PTPRD: variants seen among roughly 807,000 people sequenced by gnomAD.
The protein encoded by PTPRD is protein tyrosine phosphatase receptor type D.
A neutral mutation model predicts 214.5 loss-of-function variants in PTPRD; 34 were observed. The observed-to-expected ratio is 0.16, with a 90% confidence interval of 0.12 to 0.21. The LOEUF (loss-of-function observed/expected upper bound fraction) is 0.21. Among genes scored for constraint, PTPRD ranks in the 10% least tolerant of loss-of-function variants. The pLI is 1.00. For missense variants in PTPRD, 2,545 were observed against 2,398.7 expected, an observed-to-expected ratio of 1.06 and a Z score of -1.27; for synonymous variants, 1,128 against 845.7, an observed-to-expected ratio of 1.33 and a Z score of -5.79.
intron 2 of PTPRD, among the ~76,000 whole-genome samples, chr9:10,478,687 A>T (rs964864003): frequency 3.3e-5 from 5 of 151,886 alleles, no homozygotes; most frequent in African/African-American, 1.2e-4. Context: ...TTAATAACAT[A>T]TCAAAATACA....
chr9:10,490,442 T>C (rs2039825699), intron 2 of PTPRD, among the ~76,000 whole-genome samples: 1 of 152,174 alleles, frequency 6.6e-6, no homozygotes, highest in Admixed American at 6.5e-5. Flanking sequence ...ATATTATGCT[T>C]GGAATTTGCA....
chr9:8,727,818 G>GT (rs992913211), intron 12 of PTPRD, among the ~76,000 whole-genome samples: 11 of 151,710 alleles, frequency 7.3e-5, no homozygotes, highest in East Asian at 1.9e-4. Context: ...ACAACTGGCT[G>GT]TTTTTTTTCC....
chr9:10,310,153 G>T (rs1175392241), intron 3 of PTPRD, among the ~76,000 whole-genome samples: 1 of 152,026 alleles, frequency 6.6e-6, no homozygotes, highest in Non-Finnish European at 1.5e-5. Flanking sequence ...TGTAAGAATA[G>T]TGTAAAGCAA....
intron 11 of PTPRD, among the ~76,000 whole-genome samples, chr9:8,758,562 G>T (rs2094181183): frequency 6.6e-6 from 1 of 152,128 alleles, no homozygotes; most frequent in Non-Finnish European, 1.5e-5. Flanking sequence ...TAAATTTTGG[G>T]CTGTCACACA....
chr9:9,230,314 G>A (rs554999522), intron 9 of PTPRD, among the ~76,000 whole-genome samples: 19 of 152,222 alleles, frequency 1.2e-4, no homozygotes, highest in Admixed American at 1.2e-3. Context: ...AAAATTTGAC[G>A]AGCTTCCAGG....
At chr9:8,480,302 C>A (rs1316955879) in intron 30 of PTPRD, among the ~76,000 whole-genome samples, 1 of 152,180 alleles carries the variant, frequency 6.6e-6, no homozygotes, top group Non-Finnish European at 1.5e-5. Context: ...GCCCAGCTAA[C>A]TTCCTGTCAC....
chr9:9,535,075 G>A (rs1465015729), intron 8 of PTPRD, among the ~76,000 whole-genome samples: 1 of 152,034 alleles, frequency 6.6e-6, no homozygotes, highest in East Asian at 1.9e-4. Context: ...AAGTAGATTT[G>A]CTTTTCTTTT....
chr9:8,775,614 G>A (rs1235371836), intron 11 of PTPRD, among the ~76,000 whole-genome samples: 1 of 152,132 alleles, frequency 6.6e-6, no homozygotes, highest in East Asian at 1.9e-4. Flanking sequence ...GAGTCAAGGG[G>A]TACATACACA....
chr9:9,186,682 AAC>A (rs2099931809), intron 9 of PTPRD, among the ~76,000 whole-genome samples: 1 of 130,356 alleles, frequency 7.7e-6, no homozygotes, highest in East Asian at 2.3e-4. Flanking sequence ...CACACACACA[AAC>A]ACACGTATCC....
At chr9:9,000,508 C>A (rs1479338281) in intron 11 of PTPRD, among the ~76,000 whole-genome samples, 2 of 151,872 alleles carry the variant, frequency 1.3e-5, no homozygotes, top group Admixed American at 1.3e-4. Flanking sequence ...AACCTATTAA[C>A]CTTTTTAAAA....
At position 8,500,818 on chromosome 9, in the gene PTPRD, T is replaced by C. The variant is rs765096701; in HGVS notation, c.2064A>G (p.Thr688=). The C allele has an allele frequency of 9.9e-6, 16 of 1,614,058 alleles. No individual in the cohort carries two copies. The African/African-American group carries it at 1.7e-4, about 18-fold the overall frequency. ...EKWTEYRITV[T]AHTDVGPGPE... ...GGCCAGGGCCGACATCTGTATGGGC[T>C]GTCACAGTGATCCGGTATTCAGTCC... The change falls in exon 24 of 46, where the codon ACA becomes ACG. Residue 688 remains threonine (T), a synonymous_variant. Coordinates refer to ENST00000381196, the MANE Select transcript of PTPRD (RefSeq NM_002839.4).
At chr9:10,178,842 A>T (rs2099264924) in intron 3 of PTPRD, among the ~76,000 whole-genome samples, 1 of 151,986 alleles carries the variant, frequency 6.6e-6, no homozygotes, top group African/African-American at 2.4e-5. Flanking sequence ...AGACATTTAC[A>T]AATGCACACT....
intron 8 of PTPRD, among the ~76,000 whole-genome samples, chr9:9,521,319 A>G (rs145358179): frequency 2.9e-4 from 44 of 152,196 alleles, no homozygotes; most frequent in Admixed American, 3.9e-4. Context: ...CCTACTTCTT[A>G]CTTGACATTC....
intron 9 of PTPRD, among the ~76,000 whole-genome samples, chr9:9,334,004 C>G (rs542024486): frequency 6.6e-6 from 1 of 151,874 alleles, no homozygotes; most frequent in Non-Finnish European, 1.5e-5. Flanking sequence ...TATGACTAAG[C>G]TAGTCTGTAC....
chr9:10,061,136 A>C (rs1422211012), intron 3 of PTPRD, among the ~76,000 whole-genome samples: 7 of 151,752 alleles, frequency 4.6e-5, no homozygotes, highest in Admixed American at 4.6e-4. Context: ...CTTTTGATTT[A>C]AATAGAAAAG....
chr9:9,374,858 T>C (rs1016589199), intron 9 of PTPRD, among the ~76,000 whole-genome samples: 3 of 152,164 alleles, frequency 2.0e-5, no homozygotes, highest in Admixed American at 6.5e-5. Context: ...TTAAGACCAA[T>C]CATGAAAGAA....
chr9:9,004,168 T>C (rs1257702854), intron 11 of PTPRD, among the ~76,000 whole-genome samples: 1 of 152,068 alleles, frequency 6.6e-6, no homozygotes, highest in Non-Finnish European at 1.5e-5. Context: ...CCTCAAATTA[T>C]TGTATGTTTT....
intron 3 of PTPRD, among the ~76,000 whole-genome samples, chr9:10,131,168 A>G (rs2098875913): frequency 1.3e-5 from 2 of 152,128 alleles, no homozygotes; most frequent in Non-Finnish European, 1.5e-5. Context: ...AATCTCTAAG[A>G]AAAACAATTG....
At chr9:8,997,383 CAAT>C (rs1381332167) in intron 11 of PTPRD, among the ~76,000 whole-genome samples, 1 of 152,034 alleles carries the variant, frequency 6.6e-6, no homozygotes, top group African/African-American at 2.4e-5. Flanking sequence ...GTAATTTTCA[CAAT>C]ATTTCAAACT....
Sources: gnomAD v4.1 joint callset for allele counts (sites outside exome capture counted in the v4.1 genomes callset) on GRCh38, gnomAD v4.1.1 for gene constraint, MANE v1.5 for transcripts, NCBI Gene and HGNC (gene_info 2026-07-23, HGNC 2026-07-21) for gene names.